FGD6: variants seen among roughly 807,000 people sequenced by gnomAD.
FGD6 encodes the protein FYVE, RhoGEF and PH domain-containing protein 6.
A neutral mutation model predicts 149.4 loss-of-function variants in FGD6; 90 were observed. That is an observed-to-expected ratio of 0.60 (90% CI 0.51 to 0.72). The LOEUF is 0.72. Ranked by LOEUF, FGD6 falls within the 30% of genes least tolerant of loss-of-function variation. The pLI, the probability that FGD6 is intolerant of heterozygous loss-of-function variation, is 0.00. For missense variants in FGD6, 1,437 were observed against 1,684.8 expected, an observed-to-expected ratio of 0.85 and a Z score of 2.57; for synonymous variants, 527 against 584.0, an observed-to-expected ratio of 0.90 and a Z score of 1.41.
At chr12:95,160,353 TA>T (rs1555220810) in intron 3 of FGD6, among the ~76,000 whole-genome samples, 1 of 152,020 alleles carries the variant, frequency 6.6e-6, no homozygotes. Context: ...ATGGCTATAA[TA>T]AAAAAACAAA....
chr12:95,094,328 C>T (rs563701983), intron 15 of FGD6, among the ~76,000 whole-genome samples: 1 of 152,118 alleles, frequency 6.6e-6, no homozygotes, highest in South Asian at 2.1e-4. Context: ...TAAACTGTTT[C>T]GTATTTTCTA....
intron 13 of FGD6, 100 bp from the exon 14 acceptor site, chr12:95,105,186 A>G: frequency 1.1e-6 from 1 of 943,978 alleles, no homozygotes; most frequent in Non-Finnish European, 1.6e-6. Flanking sequence ...ATCCACAACC[A>G]ATCTTCCTAT....
chr12:95,188,872 G>A (rs535058581), intron 2 of FGD6, among the ~76,000 whole-genome samples: 1 of 151,364 alleles, frequency 6.6e-6, no homozygotes, highest in Non-Finnish European at 1.5e-5. Flanking sequence ...ATTAGAGAAA[G>A]CTATCCCCAT....
chr12:95,092,951 C>A, intron 15 of FGD6, 106 bp from the exon 16 acceptor site: 1 of 1,269,830 alleles, frequency 7.9e-7, no homozygotes, highest in Non-Finnish European at 1.1e-6. Flanking sequence ...TCAGGCACAG[C>A]AGCTCACGCC....
intron 6 of FGD6, among the ~76,000 whole-genome samples, chr12:95,139,210 C>T (rs1468582904): frequency 6.6e-6 from 1 of 151,970 alleles, no homozygotes; most frequent in African/African-American, 2.4e-5. Context: ...GAGGCTGAGG[C>T]GAGAGGATCA....
chr12:95,209,725 T>C lies in FGD6; in HGVS notation c.1559A>G (p.Glu520Gly). 2.5e-6 allele frequency: 4 copies of C among 1,614,100 alleles called. No homozygotes were observed. The highest frequency in any genetic ancestry group is 3.4e-6 in the Non-Finnish European group (4 of 1,180,014). The change falls in exon 2 of 21, where the codon GAA (glutamate) becomes GGA (glycine). Residue 520 changes from glutamate (E) to glycine (G), a missense_variant. Glu to Gly is a moderately conservative substitution (Grantham distance 98). This residue lies in a region of FGD6 where 1,055 missense variants were observed against 1,146.0 expected (regional missense o/e 0.92). Coordinates refer to ENST00000343958, the MANE Select transcript of FGD6 (RefSeq NM_018351.4). ...TTCACTTGAAGGATAAGAACTTTTTTCCAAAAGCTCCTCGGAGGCAGCCTT... is the reference window on the plus strand; with the variant it reads ...TTCACTTGAAGGATAAGAACTTTTTCCCAAAAGCTCCTCGGAGGCAGCCTT... ...LKKAASEELLEKSSYPSSEEK... is the reference protein window; with the variant it reads ...LKKAASEELLGKSSYPSSEEK...
chr12:95,109,931 C>T (rs1878758087), intron 9 of FGD6, among the ~76,000 whole-genome samples: 1 of 152,036 alleles, frequency 6.6e-6, no homozygotes, highest in South Asian at 2.1e-4. Context: ...GTGTTTTGGT[C>T]CAGTTATTGT....
At chr12:95,171,584 C>T (rs550936622) in intron 3 of FGD6, among the ~76,000 whole-genome samples, 34 of 152,280 alleles carry the variant, frequency 2.2e-4, no homozygotes, top group African/African-American at 7.2e-4. Context: ...GGCGTGATCT[C>T]GGCTCACTGC....
At chr12:95,127,498 C>T (rs997848568) in intron 8 of FGD6, among the ~76,000 whole-genome samples, 2 of 152,148 alleles carry the variant, frequency 1.3e-5, no homozygotes, top group African/African-American at 4.8e-5. Flanking sequence ...GAGCCAAGAT[C>T]GTGCCACTGC....
At chr12:95,110,892 T>C (rs907078303) in intron 9 of FGD6, among the ~76,000 whole-genome samples, 3 of 152,168 alleles carry the variant, frequency 2.0e-5, no homozygotes, top group Admixed American at 2.0e-4. Flanking sequence ...TAAGAGGCCC[T>C]GATGCCTCTA....
At chr12:95,105,128 A>C (rs1277239887) in intron 13 of FGD6, 42 bp from the exon 14 acceptor site, 1 of 1,552,124 alleles carries the variant, frequency 6.4e-7, no homozygotes, top group Admixed American at 2.0e-5. Flanking sequence ...CATCCTACTG[A>C]AAACCATATC....
At chr12:95,190,220 A>G (rs908066171) in intron 2 of FGD6, among the ~76,000 whole-genome samples, 1 of 152,198 alleles carries the variant, frequency 6.6e-6, no homozygotes, top group African/African-American at 2.4e-5. Context: ...CTCAGGCTGG[A>G]GTGCAATGGC....
chr12:95,189,881 C>T (rs11107930), intron 2 of FGD6, among the ~76,000 whole-genome samples: 42,349 of 152,002 alleles, frequency 0.28, 6,426 homozygotes, highest in East Asian at 0.39. Flanking sequence ...AAATGGATTT[C>T]CTTAATAGTA....
chr12:95,092,995 T>A, intron 15 of FGD6, 150 bp from the exon 16 acceptor site: 3 of 821,872 alleles, frequency 3.7e-6, no homozygotes, highest in South Asian at 1.7e-5. Flanking sequence ...CCGAGTCGAG[T>A]GGATCACATG....
At chr12:95,129,243 G>GCTTTTAAACATTTATTAATC (rs1879439300) in intron 8 of FGD6, among the ~76,000 whole-genome samples, 1 of 152,150 alleles carries the variant, frequency 6.6e-6, no homozygotes. Flanking sequence ...CTGAAAGAAT[G>GCTTTTAAACATTTATTAATC]CTTTTAAACA....
At position 95,217,070 on chromosome 12, in the gene FGD6, G is replaced by A. The variant is rs17023768; in HGVS notation, c.16+155C>T. On this transcript the variant is annotated intron_variant, in intron 1 of 20. Coordinates refer to ENST00000343958, the MANE Select transcript of FGD6 (RefSeq NM_018351.4). The stretch of plus-strand genomic sequence containing the variant: ...TGGGCAGGAAAAGACGAGAAAGCCG[G>A]CAGCGAATCCCATTAGCTCCGCGCT... Among the ~76,000 whole-genome samples, 4 of 152,282 alleles carry A rather than the reference G, an allele frequency of 2.6e-5. No individual in the cohort carries two copies. In the East Asian group the frequency reaches 7.7e-4, roughly 29 times the overall value.
At chr12:95,125,875 G>A in intron 8 of FGD6, 1 of 1,235,392 alleles carries the variant, frequency 8.1e-7, no homozygotes, top group Non-Finnish European at 1.2e-6. Flanking sequence ...GCTTTGGTTG[G>A]TGGACCTTGC....
At chr12:95,157,200 C>T (rs1880497537) in intron 3 of FGD6, among the ~76,000 whole-genome samples, 1 of 152,160 alleles carries the variant, frequency 6.6e-6, no homozygotes, top group African/African-American at 2.4e-5. Context: ...GTATATTTGT[C>T]CCTTCATGTT....
At chr12:95,174,072 CAT>C (rs1881065275) in intron 2 of FGD6, among the ~76,000 whole-genome samples, 1 of 152,100 alleles carries the variant, frequency 6.6e-6, no homozygotes, top group Non-Finnish European at 1.5e-5. Context: ...CTCTGGGAGT[CAT>C]ATCATAGCCT....
Sources: gnomAD v4.1 joint callset for allele counts (sites outside exome capture counted in the v4.1 genomes callset) on GRCh38, gnomAD v4.1.1 for gene constraint, gnomAD v4.1.1 regional missense constraint, MANE v1.5 for transcripts, NCBI Gene and HGNC (gene_info 2026-07-23, HGNC 2026-07-21) for gene names.